Variants in GRM8 observed in about 807,000 individuals in gnomAD.
GRM8 encodes glutamate metabotropic receptor 8, also known as metabotropic glutamate receptor 8.
GRM8 carries 47 observed loss-of-function variants against 87.2 expected under a neutral mutation model. The observed-to-expected ratio is 0.54, with a 90% CI of 0.43 to 0.69. The LOEUF is 0.69. Among genes scored for constraint, GRM8 ranks in the 30% least tolerant of loss-of-function variants. The pLI, the probability that GRM8 is intolerant of heterozygous loss-of-function variation, is 0.00. For missense variants in GRM8, 1,019 were observed against 1,139.2 expected (o/e 0.89, Z 1.52); for synonymous variants, 396 against 404.5 (o/e 0.98, Z 0.25).
At chr7:126,972,334 T>C (rs1006787025) in intron 3 of GRM8, among the ~76,000 whole-genome samples, 2 of 152,214 alleles carry the variant, frequency 1.3e-5, no homozygotes, top group Admixed American at 6.5e-5. Flanking sequence ...TATTTGAATG[T>C]TGTGCTTTTC....
intron 3 of GRM8, among the ~76,000 whole-genome samples, chr7:126,984,818 C>G (rs1263343784): frequency 6.6e-6 from 1 of 152,052 alleles, no homozygotes; most frequent in African/African-American, 2.4e-5. Context: ...GAAAAGATAA[C>G]CCTAAAATTG....
intron 1 of GRM8, among the ~76,000 whole-genome samples, chr7:127,250,608 C>T (rs1293980645): frequency 6.6e-6 from 1 of 152,154 alleles, no homozygotes; most frequent in Non-Finnish European, 1.5e-5. Flanking sequence ...GGTTCATTTT[C>T]CCTGACGGAG....
intron 7 of GRM8, among the ~76,000 whole-genome samples, chr7:126,716,780 G>A (rs763051904): frequency 1.6e-4 from 24 of 152,060 alleles, no homozygotes; most frequent in South Asian, 2.1e-4. Context: ...ATAAATTATC[G>A]GTGAGGAGAG....
intron 7 of GRM8, among the ~76,000 whole-genome samples, chr7:126,735,282 C>T (rs1814079384): frequency 1.3e-5 from 2 of 151,892 alleles, no homozygotes; most frequent in Non-Finnish European, 2.9e-5. Context: ...GAAAAATAGG[C>T]AAAGTAATGA....
chr7:126,646,190 T>C (rs1803029871), intron 7 of GRM8, among the ~76,000 whole-genome samples: 1 of 151,462 alleles, frequency 6.6e-6, no homozygotes, highest in Non-Finnish European at 1.5e-5. Flanking sequence ...ATTGGTTTAC[T>C]TTAGGATTAA....
intron 8 of GRM8, among the ~76,000 whole-genome samples, chr7:126,599,835 G>C (rs1022333226): frequency 6.6e-6 from 1 of 152,064 alleles, no homozygotes; most frequent in African/African-American, 2.4e-5. Flanking sequence ...TGCTGAACCC[G>C]CATAGTCCTG....
At chr7:126,792,242 C>T (rs568838495) in intron 6 of GRM8, among the ~76,000 whole-genome samples, 5 of 152,168 alleles carry the variant, frequency 3.3e-5, no homozygotes, top group Admixed American at 6.5e-5. Flanking sequence ...AAGAACATCA[C>T]GGTGAATGCT....
intron 3 of GRM8, among the ~76,000 whole-genome samples, chr7:126,995,759 TAAAG>T (rs1480609899): frequency 6.6e-6 from 1 of 152,016 alleles, no homozygotes; most frequent in Non-Finnish European, 1.5e-5. Context: ...TTCTTGGCCT[TAAAG>T]AGGAAGTAGA....
intron 6 of GRM8, among the ~76,000 whole-genome samples, chr7:126,843,244 T>G (rs1290414516): frequency 1.3e-5 from 2 of 152,112 alleles, no homozygotes; most frequent in Admixed American, 6.5e-5. Context: ...ACTAGCAGTG[T>G]GCCTAGTACA....
intron 9 of GRM8, among the ~76,000 whole-genome samples, chr7:126,493,138 G>A (rs1808243066): frequency 6.6e-6 from 1 of 152,000 alleles, no homozygotes; most frequent in South Asian, 2.1e-4. Context: ...CTCCACTATG[G>A]AATCCCCTTT....
chr7:126,627,179 C>A (rs1800789100), intron 7 of GRM8, among the ~76,000 whole-genome samples: 1 of 152,142 alleles, frequency 6.6e-6, no homozygotes, highest in Non-Finnish European at 1.5e-5. Flanking sequence ...ATGCAGCTAA[C>A]TTTTTCTGTA....
chr7:127,167,380 A>G lies in GRM8; in HGVS notation c.511-60668T>C, dbSNP rs556878705. ...TTTTAATAATATATATGCAAACTTT[A>G]AATTAGCACGTTTTTACTGCTCATC... On this transcript the variant is annotated intron_variant, in intron 2 of 10. Coordinates refer to ENST00000339582, the MANE Select transcript of GRM8 (RefSeq NM_000845.3). 6.6e-5 allele frequency among the ~76,000 whole-genome samples: 10 copies of G among 152,284 alleles called. No homozygotes were observed. In the East Asian group the frequency reaches 1.7e-3, roughly 26 times the overall value.
intron 3 of GRM8, among the ~76,000 whole-genome samples, chr7:126,934,987 T>C (rs1049218744): frequency 6.6e-6 from 1 of 152,200 alleles, no homozygotes; most frequent in African/African-American, 2.4e-5. Context: ...GAATAAATTA[T>C]GCTGTAGAAT....
chr7:127,217,881 G>A (rs1163143788), intron 2 of GRM8, among the ~76,000 whole-genome samples: 1 of 152,168 alleles, frequency 6.6e-6, no homozygotes, highest in Non-Finnish European at 1.5e-5. Context: ...ATAAAATTAA[G>A]CTCTGAATTT....
rs75869017 is a variant in GRM8 at position 127,054,022 on chromosome 7, C to G, written c.727+52474G>C. Among the ~76,000 whole-genome samples the G allele has an allele frequency of 2.5e-3, 382 of 152,220 alleles. 4 individuals carry two copies. Among genetic ancestry groups the G allele is most frequent in the African/African-American group, 8.9e-3 (368 of 41,540 alleles). On this transcript the variant is annotated intron_variant, in intron 3 of 10. Coordinates refer to ENST00000339582, the MANE Select transcript of GRM8 (RefSeq NM_000845.3). Reference sequence around the variant, plus strand: ...TAACTGGTATAGGTTTACAGTACTACTAAATACGAGTCAGGATTCTAAGTC... The same window carrying G: ...TAACTGGTATAGGTTTACAGTACTAGTAAATACGAGTCAGGATTCTAAGTC...
chr7:126,647,561 T>G (rs1438568267), intron 7 of GRM8, among the ~76,000 whole-genome samples: 1 of 151,982 alleles, frequency 6.6e-6, no homozygotes, highest in Admixed American at 6.6e-5. Flanking sequence ...CATCACAAAT[T>G]AAAAAATGCA....
intron 6 of GRM8, among the ~76,000 whole-genome samples, chr7:126,831,441 G>A (rs1299186203): frequency 6.6e-6 from 1 of 152,214 alleles, no homozygotes; most frequent in Admixed American, 6.5e-5. Context: ...CCACCTTGCA[G>A]TTTGACCTCA....
At chr7:127,058,578 G>T (rs1486161197) in intron 3 of GRM8, among the ~76,000 whole-genome samples, 2 of 152,018 alleles carry the variant, frequency 1.3e-5, no homozygotes, top group African/African-American at 4.8e-5. Flanking sequence ...TGCCCTCAAT[G>T]TCCACCTTCC....
At chr7:126,463,986 C>G (rs1419621048) in intron 9 of GRM8, among the ~76,000 whole-genome samples, 1 of 151,510 alleles carries the variant, frequency 6.6e-6, no homozygotes, top group Non-Finnish European at 1.5e-5. Flanking sequence ...AATATAGTTA[C>G]AGTTTTAAAT....
Sources: allele counts gnomAD v4.1 joint callset (sites outside exome capture counted in the v4.1 genomes callset), GRCh38; gene constraint gnomAD v4.1.1; transcripts MANE v1.5; gene names NCBI Gene and HGNC (gene_info 2026-07-23, HGNC 2026-07-21).